The following PAGE1 variants were observed in gnomAD, a reference collection of about 807,000 sequenced individuals.
PAGE1 encodes the protein P antigen family member 1.
A neutral mutation model predicts 11.5 loss-of-function variants in PAGE1; 6 were observed. The ratio of observed to expected loss-of-function variants is 0.52; its 90% confidence interval spans 0.29 to 1.03. The LOEUF (loss-of-function observed/expected upper bound fraction) is 1.03, where lower values mean the gene tolerates loss of function less well. Among genes scored for constraint, PAGE1 ranks in the 50% least tolerant of loss-of-function variants. PAGE1 has a pLI of 0.09. For missense variants in PAGE1, 120 were observed against 110.2 expected, an observed-to-expected ratio of 1.09 and a Z score of -0.40; for synonymous variants, 42 against 40.2, an observed-to-expected ratio of 1.05 and a Z score of -0.17.
intron 4 of PAGE1, 44 bp from the exon 5 acceptor site, chrX:49,689,587 T>TACATACATATAC (rs1557141579): frequency 2.0e-5 from 1 of 50,336 alleles, no homozygotes; most frequent in African/African-American, 1.4e-4. Flanking sequence ...TATATATATA[T>TACATACATATAC]ATATATATAT....
chrX:49,688,462 C>A (rs925743709), intron 5 of PAGE1, among the ~76,000 whole-genome samples: 5 of 111,114 alleles, frequency 4.5e-5, no homozygotes, highest in Non-Finnish European at 9.4e-5. Context: ...GGTCTCCACA[C>A]AGAAAAACTA....
At chrX:49,693,085 T>C (rs782365758) in intron 3 of PAGE1, among the ~76,000 whole-genome samples, 8 of 111,826 alleles carry the variant, frequency 7.2e-5, no homozygotes, top group Admixed American at 1.9e-4. Context: ...TTCTGAAGGA[T>C]TGAGCAGCTG....
intron 5 of PAGE1, among the ~76,000 whole-genome samples, chrX:49,688,842 C>T (rs566436480): frequency 9.0e-6 from 1 of 111,593 alleles, no homozygotes; most frequent in African/African-American, 3.3e-5. Flanking sequence ...TAAAAGCAGA[C>T]CTTTACAAAA....
At chrX:49,692,858 C>T (rs782743253) in intron 3 of PAGE1, among the ~76,000 whole-genome samples, 47 of 110,824 alleles carry the variant, frequency 4.2e-4, no homozygotes, top group African/African-American at 1.5e-3. Flanking sequence ...TAGGCTCAAG[C>T]GATCCTCTCA....
intron 5 of PAGE1, 149 bp from the exon 6 acceptor site, chrX:49,687,712 T>A: frequency 2.3e-6 from 1 of 442,979 alleles, no homozygotes; most frequent in Non-Finnish European, 3.7e-6. Context: ...TATAGCCAAG[T>A]AAACCTCTGT....
At chrX:49,688,646 A>G (rs1389219340) in intron 5 of PAGE1, among the ~76,000 whole-genome samples, 2 of 111,599 alleles carry the variant, frequency 1.8e-5, no homozygotes, top group Non-Finnish European at 3.8e-5. Context: ...AAGAACCAGA[A>G]TGGAAAAGGA....
intron 4 of PAGE1, among the ~76,000 whole-genome samples, chrX:49,690,077 AT>A (rs1173950443): frequency 7.1e-4 from 39 of 54,923 alleles, no homozygotes; most frequent in Admixed American, 2.2e-4. Context: ...ACACATATAT[AT>A]GTGTATATAT....
chrX:49,688,733 A>G (rs112874224), intron 5 of PAGE1, among the ~76,000 whole-genome samples: 2,222 of 111,982 alleles, frequency 0.02, 47 homozygotes, highest in African/African-American at 0.068. Context: ...TTTGCTCAGA[A>G]TCTCACCAAT....
intron 5 of PAGE1, 87 bp from the exon 6 acceptor site, chrX:49,687,650 T>C: frequency 1.1e-6 from 1 of 903,662 alleles, no homozygotes. Context: ...CACTACAATT[T>C]GGGTTTTATA....
intron 3 of PAGE1, 63 bp downstream of exon 3, chrX:49,694,036 A>ACACACG (rs1420026666): frequency 1.1e-5 from 6 of 558,327 alleles, no homozygotes; most frequent in Non-Finnish European, 1.8e-5. Flanking sequence ...ACACACACAC[A>ACACACG]CACACACACA....
At chrX:49,695,043 T>A (rs1175541647) in intron 1 of PAGE1, among the ~76,000 whole-genome samples, 1 of 112,604 alleles carries the variant, frequency 8.9e-6, no homozygotes, top group African/African-American at 3.2e-5. Context: ...AATCTCGCTC[T>A]GTTGCTCACG....
chrX:49,694,531 A>AG (rs1238481768), intron 2 of PAGE1, among the ~76,000 whole-genome samples, 177 bp downstream of exon 2: 1 of 111,309 alleles, frequency 9.0e-6, no homozygotes, highest in Non-Finnish European at 1.9e-5. Context: ...GAAAAAAAAA[A>AG]TCCTCCTGAA....
At position 49,689,546 on chromosome X, in the gene PAGE1, TAAAAAAAAAAAAAAAA is replaced by T. The variant is rs782211346; in HGVS notation, c.293-19_293-4del. On this transcript the variant is annotated splice_region_variant and splice_polypyrimidine_tract_variant and intron_variant, in intron 4 of 5. Coordinates refer to ENST00000376150, the MANE Select transcript of PAGE1 (RefSeq NM_003785.4). ...GCTATCCGCTTCAGGCTCTGGCCCTTAAAAAAAAAAAAAAAAAAAAAAAAAAAAAATATATATATAT... is the reference window on the plus strand; with the variant it reads ...GCTATCCGCTTCAGGCTCTGGCCCTTAAAAAAAAAAAAAATATATATATAT... The T allele has an allele frequency of 1.1e-4, 30 of 281,659 alleles. No homozygotes were observed. The African/African-American group carries it at 3.1e-3, about 30-fold the overall frequency. The allele number at this position is 281,659 out of a possible 1,213,427, so 23.2% of individuals were successfully genotyped here. A position where few individuals can be genotyped will look rare whatever the true frequency, so the allele number is the denominator to read the frequency against.
intron 4 of PAGE1, 26 bp from the exon 5 acceptor site, chrX:49,689,569 AAAAAAAATATAT>A (rs2066897861): frequency 6.6e-6 from 1 of 150,879 alleles, no homozygotes; most frequent in African/African-American, 1.1e-4. Context: ...AAAAAAAAAA[AAAAAAAATATAT>A]ATATATATAT....
At chrX:49,693,433 G>A (rs1381512772) in intron 3 of PAGE1, among the ~76,000 whole-genome samples, 2 of 111,410 alleles carry the variant, frequency 1.8e-5, no homozygotes, top group African/African-American at 6.5e-5. Context: ...ATTTTATCTC[G>A]GAGAAATTAT....
At chrX:49,689,007 A>G (rs782432491) in intron 5 of PAGE1, among the ~76,000 whole-genome samples, 1 of 111,623 alleles carries the variant, frequency 9.0e-6, no homozygotes, top group Non-Finnish European at 1.9e-5. Context: ...TAAGAATTCT[A>G]TTATTAAGGA....
chrX:49,695,978 C>T lies in PAGE1; in HGVS notation c.-118G>A, dbSNP rs979592428. The T allele has an allele frequency of 3.5e-5, 4 of 115,507 alleles. No individual in the cohort carries two copies. Among genetic ancestry groups the T allele is most frequent in the Admixed American group, 9.4e-5 (1 of 10,649 alleles). The allele number at this position is 115,507 out of a possible 1,213,427, so 9.5% of individuals were successfully genotyped here. A position where few individuals can be genotyped will look rare whatever the true frequency, so the allele number is the denominator to read the frequency against. On this transcript the variant is annotated 5_prime_UTR_variant, in exon 1 of 6. Transcript: ENST00000376150. ...ACTGCACACTCTCACAGCTCCCTGG[C>T]GTTCTCCACGTGGGCGAAGGGGCCG...
chrX:49,692,361 T>C (rs1169478684), intron 3 of PAGE1, among the ~76,000 whole-genome samples: 4 of 111,146 alleles, frequency 3.6e-5, no homozygotes, highest in African/African-American at 1.3e-4. Context: ...GCTGAAACCT[T>C]ATCTGAACAA....
intron 4 of PAGE1, among the ~76,000 whole-genome samples, chrX:49,689,896 GTATATATA>G (rs1264887066): frequency 3.1e-5 from 1 of 31,978 alleles, no homozygotes; most frequent in African/African-American, 1.7e-4. Flanking sequence ...ATATATAGGT[GTATATATA>G]TGTGTATATA....
Sources: gnomAD v4.1 joint callset for allele counts (sites outside exome capture counted in the v4.1 genomes callset) on GRCh38, gnomAD v4.1.1 for gene constraint, MANE v1.5 for transcripts, NCBI Gene and HGNC (gene_info 2026-07-23, HGNC 2026-07-21) for gene names.